RARB: variants seen among roughly 807,000 people sequenced by gnomAD.
The protein encoded by RARB is retinoic acid receptor beta, also known as HBV-activated protein.
Under a neutral mutation model 51.9 loss-of-function variants are expected in RARB, and 17 were observed. The observed-to-expected ratio is 0.33, with a 90% CI of 0.22 to 0.49. The LOEUF is 0.49. Ranked by LOEUF, RARB falls within the 20% of genes least tolerant of loss-of-function variation. The probability of loss-of-function intolerance (pLI) is 0.99; values close to 1 mark genes in which losing one functional copy is unlikely to be tolerated. For synonymous variants in RARB, 215 were observed against 195.4 expected (o/e 1.10, Z -0.84); for missense variants, 369 against 550.8 (o/e 0.67, Z 3.30).
intron 2 of RARB, among the ~76,000 whole-genome samples, chr3:25,487,041 C>G (rs1696508788): frequency 6.6e-6 from 1 of 152,164 alleles, no homozygotes. Flanking sequence ...GGATGCTGGA[C>G]TAGTTCCCCT....
At chr3:24,879,856 A>G (rs1013617854) in intron 2 of RARB, among the ~76,000 whole-genome samples, 2 of 152,232 alleles carry the variant, frequency 1.3e-5, no homozygotes, top group East Asian at 3.9e-4. Context: ...ATGGGTTTTT[A>G]GTTCACAGTT....
rs1205651987 is a variant in RARB at position 24,983,442 on chromosome 3, G to A, written c.-379-76683G>A. ...GCTGGTTTGTTACATAGGTATACATGTGCCATGGTGGTTTGCTGCACCTAT... is the reference window on the plus strand; with the variant it reads ...GCTGGTTTGTTACATAGGTATACATATGCCATGGTGGTTTGCTGCACCTAT... On this transcript the variant is annotated intron_variant, in intron 2 of 11. Coordinates refer to the RARB transcript ENST00000383772. 2.0e-5 allele frequency among the ~76,000 whole-genome samples: 3 copies of A among 152,034 alleles called. No homozygotes were observed. The South Asian group carries it at 6.2e-4, about 32-fold the overall frequency.
intron 2 of RARB, among the ~76,000 whole-genome samples, chr3:24,894,960 A>G (rs995799477): frequency 6.6e-6 from 1 of 152,174 alleles, no homozygotes; most frequent in African/African-American, 2.4e-5. Context: ...TGAGTTGAAG[A>G]ACATATGTGG....
chr3:25,078,873 G>A (rs1698931468), intron 3 of RARB, among the ~76,000 whole-genome samples: 1 of 152,030 alleles, frequency 6.6e-6, no homozygotes, highest in Admixed American at 6.6e-5. Context: ...GTTATTCTGG[G>A]TTCTTTGCAT....
chr3:25,372,579 T>C (rs1706332924), intron 5 of RARB, among the ~76,000 whole-genome samples: 1 of 152,172 alleles, frequency 6.6e-6, no homozygotes, highest in African/African-American at 2.4e-5. Flanking sequence ...CCCAGCACTT[T>C]GGGAGGCTGA....
intron 2 of RARB, among the ~76,000 whole-genome samples, chr3:25,055,438 A>G (rs1410998155): frequency 6.6e-6 from 1 of 152,184 alleles, no homozygotes; most frequent in Non-Finnish European, 1.5e-5. Flanking sequence ...AATTGAAAGT[A>G]CAATATATAT....
At chr3:25,103,579 C>T (rs1021110175) in intron 3 of RARB, among the ~76,000 whole-genome samples, 4 of 152,132 alleles carry the variant, frequency 2.6e-5, no homozygotes, top group South Asian at 2.1e-4. Flanking sequence ...TGCCCCCAGG[C>T]GACAACAGAA....
At chr3:24,966,703 G>A (rs1312907535) in intron 2 of RARB, among the ~76,000 whole-genome samples, 1 of 151,756 alleles carries the variant, frequency 6.6e-6, no homozygotes, top group Non-Finnish European at 1.5e-5. Flanking sequence ...TAACAGACCA[G>A]GGTGTTGTCT....
intron 5 of RARB, among the ~76,000 whole-genome samples, chr3:25,406,312 C>T (rs560807905): frequency 8.5e-5 from 13 of 152,336 alleles, no homozygotes; most frequent in African/African-American, 3.1e-4. Flanking sequence ...ACGCAACCTC[C>T]ATCAGGGATT....
intron 2 of RARB, among the ~76,000 whole-genome samples, chr3:24,912,552 T>C (rs1326804243): frequency 1.3e-5 from 2 of 152,180 alleles, no homozygotes; most frequent in African/African-American, 2.4e-5. Flanking sequence ...TTTAGGAAGA[T>C]GCAGTTCAGC....
At chr3:25,152,131 C>T (rs559577589) in intron 4 of RARB, among the ~76,000 whole-genome samples, 2 of 152,248 alleles carry the variant, frequency 1.3e-5, no homozygotes, top group African/African-American at 2.4e-5. Context: ...CCAAGTGATT[C>T]TATAAGCCAG....
At chr3:25,318,685 A>C (rs1364726237) in intron 5 of RARB, among the ~76,000 whole-genome samples, 4 of 152,192 alleles carry the variant, frequency 2.6e-5, no homozygotes, top group African/African-American at 9.7e-5. Context: ...CAAATGTAGA[A>C]TTCTTTGGTC....
At chr3:24,890,418 A>G (rs930368628) in intron 2 of RARB, among the ~76,000 whole-genome samples, 1 of 152,162 alleles carries the variant, frequency 6.6e-6, no homozygotes. Context: ...GCTTTCTGAG[A>G]GTTTGGACTT....
intron 5 of RARB, among the ~76,000 whole-genome samples, chr3:25,360,935 T>A (rs1202448799): frequency 6.6e-6 from 1 of 152,200 alleles, no homozygotes; most frequent in African/African-American, 2.4e-5. Flanking sequence ...TCAACCTTGC[T>A]GAATCTGATG....
intron 3 of RARB, among the ~76,000 whole-genome samples, chr3:25,556,441 C>T (rs140817964): frequency 0.02 from 3,063 of 152,178 alleles, 37 homozygotes; most frequent in South Asian, 0.032. Flanking sequence ...TTCAGGACAA[C>T]CAAGGCCAAG....
intron 5 of RARB, among the ~76,000 whole-genome samples, chr3:25,275,923 TTAAAA>T (rs552324375): frequency 3.7e-4 from 57 of 152,320 alleles, no homozygotes; most frequent in Non-Finnish European, 3.5e-4. Flanking sequence ...TAAAGTATAA[TTAAAA>T]TAAATAAAAG....
intron 2 of RARB, among the ~76,000 whole-genome samples, chr3:24,898,153 TG>T (rs1211854932): frequency 2.0e-5 from 3 of 152,142 alleles, no homozygotes; most frequent in African/African-American, 7.2e-5. Flanking sequence ...GTTGGTGGCC[TG>T]ACTGGTACCT....
At chr3:25,056,971 G>C (rs1179790499) in intron 2 of RARB, among the ~76,000 whole-genome samples, 2 of 152,098 alleles carry the variant, frequency 1.3e-5, no homozygotes, top group East Asian at 3.9e-4. Context: ...TAGTGTATGA[G>C]CCTTCATTGT....
At chr3:25,049,509 G>A (rs1014599984) in intron 2 of RARB, among the ~76,000 whole-genome samples, 1 of 152,106 alleles carries the variant, frequency 6.6e-6, no homozygotes, top group Non-Finnish European at 1.5e-5. Context: ...AAGGGTGGGA[G>A]ACTTACTGGA....
Sources: gnomAD v4.1 joint callset for allele counts (sites outside exome capture counted in the v4.1 genomes callset) on GRCh38, gnomAD v4.1.1 for gene constraint, MANE v1.5 for transcripts, NCBI Gene and HGNC (gene_info 2026-07-23, HGNC 2026-07-21) for gene names.